OSBPL5: variants seen among roughly 807,000 people sequenced by gnomAD.
The protein encoded by OSBPL5 is oxysterol-binding protein-related protein 5.
A neutral mutation model predicts 111.2 loss-of-function variants in OSBPL5; 71 were observed. The observed-to-expected ratio is 0.64, with a 90% CI of 0.53 to 0.78. The LOEUF is 0.78. Among genes scored for constraint, OSBPL5 ranks in the 30% least tolerant of loss-of-function variants. The pLI, the probability that OSBPL5 is intolerant of heterozygous loss-of-function variation, is 0.00. For missense variants in OSBPL5, 1,210 were observed against 1,189.3 expected (o/e 1.02, Z -0.26); for synonymous variants, 549 against 513.9 (o/e 1.07, Z -0.93).
intron 1 of OSBPL5, among the ~76,000 whole-genome samples, chr11:3,163,002 G>A (rs937647935): frequency 5.9e-5 from 9 of 152,050 alleles, no homozygotes; most frequent in Non-Finnish European, 7.4e-5. Flanking sequence ...AAGGGGAGCT[G>A]CACCTAACGG....
At chr11:3,103,745 A>G (rs61870196) in intron 10 of OSBPL5, among the ~76,000 whole-genome samples, 18,877 of 49,598 alleles carry the variant, frequency 0.38, 2,194 homozygotes, top group Admixed American at 0.46. Context: ...TGCCTCTGCA[A>G]CCCTCTTCCA....
intron 14 of OSBPL5, among the ~76,000 whole-genome samples, chr11:3,097,955 C>T (rs1857329856): frequency 1.3e-5 from 2 of 152,128 alleles, no homozygotes; most frequent in Non-Finnish European, 2.9e-5. Context: ...GTAGTCCCAG[C>T]TACTCAGGAG....
Position 3,092,347 on chromosome 11 carries a change from G to C in OSBPL5, c.2259+85C>G. On this transcript the variant is annotated intron_variant, in intron 19 of 21. Coordinates refer to ENST00000263650, the MANE Select transcript of OSBPL5 (RefSeq NM_020896.4). This position sits in a 1 kb window ranked among gnomAD's most constrained non-coding sequence, Gnocchi z 5.4. ...GTGAGGGAAACGGAGCGAGGGGAAG[G>C]GAGGAGTGAGGTGAGGAGCGAGGGG... 1 of 1,445,926 alleles carries C rather than the reference G, an allele frequency of 6.9e-7. No homozygotes were observed. Among genetic ancestry groups the C allele is most frequent in the Non-Finnish European group, 9.2e-7 (1 of 1,091,192 alleles). 89.6% of individuals were successfully genotyped at this position (1,445,926 alleles called of 1,614,324 possible).
chr11:3,094,512 C>T (rs1857185216), intron 14 of OSBPL5, 178 bp from the exon 15 acceptor site: 1 of 586,260 alleles, frequency 1.7e-6, no homozygotes, highest in Non-Finnish European at 3.0e-6. Flanking sequence ...GGAGCAGAAC[C>T]CCACAGGGAG....
At chr11:3,098,079 C>T (rs1024100029) in intron 14 of OSBPL5, among the ~76,000 whole-genome samples, 1 of 151,796 alleles carries the variant, frequency 6.6e-6, no homozygotes, top group African/African-American at 2.4e-5. Flanking sequence ...CGTCTCAAAA[C>T]AAAAATAAAA....
At chr11:3,163,116 G>C (rs1847014562) in intron 1 of OSBPL5, among the ~76,000 whole-genome samples, 1 of 152,206 alleles carries the variant, frequency 6.6e-6, no homozygotes, top group Non-Finnish European at 1.5e-5. Flanking sequence ...CCGGAGGTCA[G>C]AGCTTCCAGC....
rs918655458 is a variant in OSBPL5, at chr11:3,163,829, G to A, written c.-22+1387C>T. 4 of 152,284 alleles carry A rather than the reference G, an allele frequency of 2.6e-5. No individual in the cohort carries two copies. In the East Asian group the frequency reaches 7.7e-4, roughly 29 times the overall value. 9.4% of individuals were successfully genotyped at this position (152,284 alleles called of 1,614,324 possible). A position where few individuals can be genotyped will look rare whatever the true frequency, so the allele number is the denominator to read the frequency against. On this transcript the variant is annotated intron_variant, in intron 1 of 21. Transcript: ENST00000263650. Reference sequence around the variant, plus strand: ...GGCCAGCCCCACACGCGTGCAGGCAGACAATAGGATCTGCAGTTCTGGAGC... The same window carrying A: ...GGCCAGCCCCACACGCGTGCAGGCAAACAATAGGATCTGCAGTTCTGGAGC...
intron 10 of OSBPL5, among the ~76,000 whole-genome samples, chr11:3,103,678 GTCTCTGCAGC>G (rs1857535495): frequency 7.4e-6 from 1 of 134,626 alleles, no homozygotes; most frequent in African/African-American, 3.0e-5. Context: ...CCCCCTTCCA[GTCTCTGCAGC>G]CCCCTTCCAG....
rs927991924 is a variant in OSBPL5 at position 3,130,975 on chromosome 11, C to T, written c.-21-1806G>A. On this transcript the variant is annotated intron_variant, in intron 1 of 21. Transcript: ENST00000263650. This position sits in a 1 kb window ranked among gnomAD's most constrained non-coding sequence, Gnocchi z 4.5. ...CCAGGCAGCCAAGGTAAGTGAGCAG[C>T]GATCCTGCTCTCAGGACCCACAGAG... 2.6e-5 allele frequency among the ~76,000 whole-genome samples: 4 copies of T among 152,150 alleles called. No homozygotes were observed. Among genetic ancestry groups the T allele is most frequent in the African/African-American group, 4.8e-5 (2 of 41,418 alleles).
At chr11:3,156,006 A>T (rs4758541) in intron 1 of OSBPL5, among the ~76,000 whole-genome samples, 120,465 of 152,256 alleles carry the variant, frequency 0.79, 48,225 homozygotes, top group African/African-American at 0.87. Flanking sequence ...GCAAACATCT[A>T]TGTATGGTGT....
chr11:3,092,874 A>G lies in OSBPL5; in HGVS notation c.2125T>C (p.Tyr709His), dbSNP rs1857111747. 1.3e-6 allele frequency: 2 copies of G among 1,541,856 alleles called. No individual in the cohort carries two copies. Among genetic ancestry groups the G allele is most frequent in the East Asian group, 2.4e-5 (1 of 41,282 alleles). Residue 709 changes from tyrosine (Y) to histidine (H), a missense_variant, in exon 18 of 22, where the codon TAC (tyrosine) becomes CAC (histidine). By Grantham distance (83) the Tyr-to-His change is moderately conservative. Transcript: ENST00000263650. The surrounding 1 kb of genome is among the most constrained non-coding windows in gnomAD (Gnocchi z 5.4). ...GGCTTTGTCGGCACTCACTCCTCGT[A>G]TCGGTAGTGCCACTCCTGGGTGATG... ...DPITQEWHYR[Y>H]EDHSPWDPLK... is the part of the protein sequence containing the mutation.
chr11:3,122,717 G>A (rs1042112396), intron 3 of OSBPL5, among the ~76,000 whole-genome samples: 24 of 152,340 alleles, frequency 1.6e-4, no homozygotes, highest in Non-Finnish European at 2.2e-4. Flanking sequence ...GGTCAGGAAG[G>A]AGGGAAATGT....
rs1442776905 is a variant in OSBPL5 at position 3,113,754 on chromosome 11, C to T, written c.691+5793G>A. ...ATCTGGTGGCTTTAGGTAGTCTAGT[C>T]CACAGGCAGTAAGGTTCATTTTGAG... On this transcript the variant is annotated intron_variant, in intron 7 of 21. Coordinates refer to ENST00000263650, the MANE Select transcript of OSBPL5 (RefSeq NM_020896.4). The surrounding 1 kb of genome is among the most constrained non-coding windows in gnomAD (Gnocchi z 4.8). 1.3e-5 allele frequency among the ~76,000 whole-genome samples: 2 copies of T among 152,146 alleles called. No homozygotes were observed. The highest frequency in any genetic ancestry group is 2.9e-5 in the Non-Finnish European group (2 of 68,022).
intron 2 of OSBPL5, among the ~76,000 whole-genome samples, chr11:3,127,455 C>G (rs1222253864): frequency 2.0e-5 from 3 of 152,206 alleles, no homozygotes; most frequent in African/African-American, 7.2e-5. Context: ...AACGGAAAAG[C>G]CAGGACGGTG....
chr11:3,135,835 C>A (rs1845934707), intron 1 of OSBPL5, among the ~76,000 whole-genome samples: 1 of 152,228 alleles, frequency 6.6e-6, no homozygotes, highest in African/African-American at 2.4e-5. Flanking sequence ...CCCACTTCCT[C>A]CTGCCCTGCT....
intron 1 of OSBPL5, among the ~76,000 whole-genome samples, chr11:3,134,671 G>T (rs1012093627): frequency 1.3e-5 from 2 of 152,262 alleles, no homozygotes; most frequent in South Asian, 4.1e-4. Flanking sequence ...GTGGAGACCC[G>T]CTGTCCACCG....
intron 7 of OSBPL5, among the ~76,000 whole-genome samples, chr11:3,112,046 CATGTGTGTGCATGTGT>C (rs1230808478): frequency 5.4e-4 from 41 of 76,488 alleles, no homozygotes; most frequent in Non-Finnish European, 1.1e-3. Flanking sequence ...TGTGTGCGCG[CATGTGTGTGCATGTGT>C]ATGTGTGTGT....
rs112530688 is a variant in OSBPL5, at chr11:3,116,122, G to A, written c.691+3425C>T. On this transcript the variant is annotated intron_variant, in intron 7 of 21. Coordinates refer to ENST00000263650, the MANE Select transcript of OSBPL5 (RefSeq NM_020896.4). ...TATAAAAAATTATACAGGAAGCAGT[G>A]TCAAATATAAAATGGTATTTGGTCT... Among the ~76,000 whole-genome samples the A allele has an allele frequency of 1.3e-3, 193 of 152,244 alleles. 1 individual carries two copies. The highest frequency in any genetic ancestry group is 4.3e-3 in the African/African-American group (180 of 41,536).
In OSBPL5 at chr11:3,102,271, T is replaced by A; in HGVS notation, c.1337A>T (p.Lys446Met). The A allele has an allele frequency of 6.3e-7, 1 of 1,599,908 alleles. No homozygotes were observed. Among genetic ancestry groups the A allele is most frequent in the Middle Eastern group, 1.7e-4 (1 of 6,042 alleles). ...GFYKKPKGIK[K>M]PYNPILGETF... ...CTCCCCCAGGATGGGGTTGTACGGC[T>A]TCTTGATTCCCTGCAGACAACAGAG... Residue 446 changes from lysine (K) to methionine (M), a missense_variant, in exon 12 of 22, where the codon AAG becomes ATG. Physicochemically the swap from Lys to Met is moderately conservative, Grantham distance 95 (BLOSUM62 -1). Coordinates refer to ENST00000263650, the MANE Select transcript of OSBPL5 (RefSeq NM_020896.4).
Sources: allele counts gnomAD v4.1 joint callset (sites outside exome capture counted in the v4.1 genomes callset), GRCh38; gene constraint gnomAD v4.1.1; non-coding constraint Gnocchi (gnomAD v3.1); transcripts MANE v1.5; gene names NCBI Gene and HGNC (gene_info 2026-07-23, HGNC 2026-07-21).